The following DOCK3 variants were observed in gnomAD, a reference collection of about 807,000 sequenced individuals.
DOCK3 encodes the protein dedicator of cytokinesis protein 3.
In DOCK3, 60 loss-of-function variants were observed where a neutral mutation model predicts 265.6. The observed-to-expected ratio is 0.23, with a 90% CI of 0.18 to 0.28. DOCK3 has a LOEUF of 0.28. DOCK3 is among the 10% of genes least tolerant of loss of function. DOCK3 has a pLI of 1.00. For synonymous variants in DOCK3, 881 were observed against 938.0 expected, an observed-to-expected ratio of 0.94 and a Z score of 1.11; for missense variants, 1,981 against 2,594.3, an observed-to-expected ratio of 0.76 and a Z score of 5.14.
chr3:50,843,049 CAA>C (rs1373149813), intron 3 of DOCK3, among the ~76,000 whole-genome samples: 1 of 152,154 alleles, frequency 6.6e-6, no homozygotes, highest in Non-Finnish European at 1.5e-5. Context: ...GAAATTGATG[CAA>C]AGTTTGTGGC....
chr3:50,879,988 C>T (rs1309488770), intron 3 of DOCK3, among the ~76,000 whole-genome samples: 3 of 152,272 alleles, frequency 2.0e-5, no homozygotes, highest in South Asian at 2.1e-4. Flanking sequence ...CACTCAAAAC[C>T]ACTCAACTAC....
At chr3:51,350,424 T>A (rs199563042) in intron 40 of DOCK3, 32 bp downstream of exon 40, 1 of 1,593,864 alleles carries the variant, frequency 6.3e-7, no homozygotes, top group East Asian at 2.2e-5. Flanking sequence ...CAAGAACTTA[T>A]ATATTTTACG....
At chr3:50,837,248 C>G (rs1576597162) in intron 2 of DOCK3, among the ~76,000 whole-genome samples, 1 of 152,202 alleles carries the variant, frequency 6.6e-6, no homozygotes, top group African/African-American at 2.4e-5. Context: ...ACCCTACACT[C>G]TGCAGTACCA....
intron 51 of DOCK3, among the ~76,000 whole-genome samples, chr3:51,378,860 C>T (rs1406490601): frequency 1.3e-5 from 2 of 152,210 alleles, no homozygotes; most frequent in Non-Finnish European, 2.9e-5. Context: ...GCCCACTGCA[C>T]CCCTGCATCC....
chr3:50,729,360 ATTTATTTATTTATTTATT>A (rs944398280), intron 1 of DOCK3, among the ~76,000 whole-genome samples: 1 of 144,542 alleles, frequency 6.9e-6, no homozygotes, highest in Non-Finnish European at 1.5e-5. Context: ...TTTTTATTTT[ATTTATTTATTTATTTATT>A]TTTATTTATT....
intron 32 of DOCK3, among the ~76,000 whole-genome samples, chr3:51,328,214 C>G (rs2084278318): frequency 6.6e-6 from 1 of 152,132 alleles, no homozygotes; most frequent in East Asian, 1.9e-4. Context: ...CTGTTGTACC[C>G]TGTTTACACT....
At chr3:50,759,703 A>G (rs2040410537) in intron 1 of DOCK3, among the ~76,000 whole-genome samples, 1 of 150,432 alleles carries the variant, frequency 6.6e-6, no homozygotes, top group African/African-American at 2.4e-5. Context: ...GGAAAAAATT[A>G]GCTGGGCATG....
At chr3:51,179,007 C>G (rs904829696) in intron 12 of DOCK3, among the ~76,000 whole-genome samples, 2 of 152,182 alleles carry the variant, frequency 1.3e-5, no homozygotes, top group South Asian at 4.1e-4. Context: ...CACTTGCTCT[C>G]TTGCCTTTAA....
At chr3:51,055,731 ACAGCCTC>A (rs1166907938) in intron 5 of DOCK3, among the ~76,000 whole-genome samples, 1 of 149,312 alleles carries the variant, frequency 6.7e-6, no homozygotes, top group East Asian at 2.0e-4. Flanking sequence ...TTCAGCAACT[ACAGCCTC>A]CATTGTCATA....
At chr3:50,911,059 A>C (rs1042472872) in intron 4 of DOCK3, among the ~76,000 whole-genome samples, 2 of 151,452 alleles carry the variant, frequency 1.3e-5, no homozygotes, top group African/African-American at 4.9e-5. Context: ...GGTGGTTATT[A>C]ATCCTTTGTC....
intron 49 of DOCK3, among the ~76,000 whole-genome samples, chr3:51,366,124 T>G (rs1468059758): frequency 6.6e-6 from 1 of 152,196 alleles, no homozygotes; most frequent in Non-Finnish European, 1.5e-5. Context: ...TCTTGGACTT[T>G]TTTTGGTTGG....
At chr3:50,717,786 CTAATTTTTTGG>C (rs1210025480) in intron 1 of DOCK3, among the ~76,000 whole-genome samples, 1 of 152,078 alleles carries the variant, frequency 6.6e-6, no homozygotes, top group Non-Finnish European at 1.5e-5. Context: ...CCATGCCCGG[CTAATTTTTTGG>C]TATTTTCAGT....
chr3:50,739,971 T>G (rs904276949), intron 1 of DOCK3, among the ~76,000 whole-genome samples: 10 of 152,092 alleles, frequency 6.6e-5, no homozygotes, highest in Admixed American at 6.6e-4. Context: ...CTCCCAGAAG[T>G]TTCTTAAGCC....
intron 19 of DOCK3, among the ~76,000 whole-genome samples, chr3:51,231,062 C>T (rs562192588): frequency 5.4e-4 from 81 of 150,762 alleles, no homozygotes; most frequent in Non-Finnish European, 1.0e-3. Flanking sequence ...ACATTCCCAC[C>T]AACAAGGTAT....
chr3:50,740,228 C>A (rs1356002041), intron 1 of DOCK3, among the ~76,000 whole-genome samples: 1 of 151,988 alleles, frequency 6.6e-6, no homozygotes, highest in Non-Finnish European at 1.5e-5. Context: ...GAATAGTATT[C>A]CATTGTGTGA....
intron 1 of DOCK3, among the ~76,000 whole-genome samples, chr3:50,740,772 C>T (rs911106682): frequency 5.9e-5 from 9 of 151,974 alleles, no homozygotes; most frequent in East Asian, 5.8e-4. Context: ...CATAAAATTT[C>T]ATGCCTTGTA....
At chr3:51,286,310 A>G (rs1489152664) in intron 27 of DOCK3, among the ~76,000 whole-genome samples, 1 of 152,228 alleles carries the variant, frequency 6.6e-6, no homozygotes, top group African/African-American at 2.4e-5. Flanking sequence ...AAAATAAATC[A>G]GAGATTACAC....
intron 14 of DOCK3, among the ~76,000 whole-genome samples, chr3:51,224,068 C>G (rs2090216013): frequency 6.6e-6 from 1 of 152,202 alleles, no homozygotes; most frequent in East Asian, 1.9e-4. Flanking sequence ...CCTACATATG[C>G]AACAGTGGCA....
intron 2 of DOCK3, among the ~76,000 whole-genome samples, chr3:50,798,619 A>G (rs955654913): frequency 1.3e-5 from 2 of 151,492 alleles, no homozygotes; most frequent in Non-Finnish European, 1.5e-5. Flanking sequence ...AGTTTCTTGT[A>G]TATTTTGGTT....
Sources: gnomAD v4.1 joint callset for allele counts (sites outside exome capture counted in the v4.1 genomes callset) on GRCh38, gnomAD v4.1.1 for gene constraint, MANE v1.5 for transcripts, NCBI Gene and HGNC (gene_info 2026-07-23, HGNC 2026-07-21) for gene names.